The following ZNF423 variants were observed in gnomAD, a reference collection of about 807,000 sequenced individuals.
ZNF423 encodes the protein zinc finger protein 423.
A neutral mutation model predicts 95.8 loss-of-function variants in ZNF423; 12 were observed. That is an observed-to-expected ratio of 0.13 (90% CI 0.08 to 0.20). The LOEUF (loss-of-function observed/expected upper bound fraction) is 0.20. Among genes scored for constraint, ZNF423 ranks in the 10% least tolerant of loss-of-function variants. ZNF423 has a pLI of 1.00. For synonymous variants in ZNF423, 749 were observed against 711.9 expected, an observed-to-expected ratio of 1.05 and a Z score of -0.83; for missense variants, 1,316 against 1,737.1, an observed-to-expected ratio of 0.76 and a Z score of 4.31.
intron 2 of ZNF423, among the ~76,000 whole-genome samples, chr16:49,777,563 C>T (rs1367228755): frequency 6.6e-6 from 1 of 152,220 alleles, no homozygotes; most frequent in Non-Finnish European, 1.5e-5. Flanking sequence ...TGGCTTCTCA[C>T]TAGTGGTGTG....
At chr16:49,505,300 C>A (rs559808759) in intron 7 of ZNF423, among the ~76,000 whole-genome samples, 19 of 152,322 alleles carry the variant, frequency 1.2e-4, no homozygotes, top group African/African-American at 4.3e-4. Context: ...GGTCCCCAAA[C>A]TAACCCAGTG....
intron 1 of ZNF423, among the ~76,000 whole-genome samples, chr16:49,838,658 T>C (rs551705780): frequency 6.6e-6 from 1 of 151,860 alleles, no homozygotes; most frequent in Non-Finnish European, 1.5e-5. Context: ...TCCCCAGCGC[T>C]GGGCCTGGGA....
At chr16:49,713,534 C>T (rs1056839912) in intron 3 of ZNF423, among the ~76,000 whole-genome samples, 2 of 152,118 alleles carry the variant, frequency 1.3e-5, no homozygotes, top group South Asian at 4.1e-4. Context: ...CTCCAGGTGG[C>T]CTAAATGCCC....
At chr16:49,627,881 C>T (rs1025469898) in intron 4 of ZNF423, among the ~76,000 whole-genome samples, 1 of 150,456 alleles carries the variant, frequency 6.6e-6, no homozygotes, top group Non-Finnish European at 1.5e-5. Flanking sequence ...CTCCATCTAC[C>T]CATCCATCCA....
At chr16:49,814,320 A>G (rs983426584) in intron 1 of ZNF423, among the ~76,000 whole-genome samples, 1 of 152,016 alleles carries the variant, frequency 6.6e-6, no homozygotes, top group African/African-American at 2.4e-5. Flanking sequence ...TCCTGTGCCC[A>G]GGATAGACTG....
At chr16:49,673,694 C>G (rs955182904) in intron 3 of ZNF423, among the ~76,000 whole-genome samples, 1 of 152,262 alleles carries the variant, frequency 6.6e-6, no homozygotes, top group Non-Finnish European at 1.5e-5. Context: ...TGTGCACACA[C>G]TTGCACATGC....
At chr16:49,593,066 G>T (rs1971063105) in intron 5 of ZNF423, among the ~76,000 whole-genome samples, 1 of 152,152 alleles carries the variant, frequency 6.6e-6, no homozygotes, top group Non-Finnish European at 1.5e-5. Flanking sequence ...GGTTGTATGG[G>T]GGAGTGAAGA....
At chr16:49,506,145 C>T (rs999482473) in intron 7 of ZNF423, among the ~76,000 whole-genome samples, 4 of 152,124 alleles carry the variant, frequency 2.6e-5, no homozygotes, top group Non-Finnish European at 4.4e-5. Flanking sequence ...TAAGAGCACA[C>T]GAAGAAGGCA....
At chr16:49,723,714 C>T (rs893183416) in intron 3 of ZNF423, among the ~76,000 whole-genome samples, 8 of 152,100 alleles carry the variant, frequency 5.3e-5, no homozygotes, top group African/African-American at 1.7e-4. Flanking sequence ...GTTTAGATTC[C>T]TGATCCACTT....
intron 1 of ZNF423, among the ~76,000 whole-genome samples, chr16:49,829,965 G>A (rs566109090): frequency 6.6e-6 from 1 of 152,280 alleles, no homozygotes; most frequent in South Asian, 2.1e-4. Flanking sequence ...GAAGCCTAGG[G>A]ACACAAGAGT....
intron 3 of ZNF423, among the ~76,000 whole-genome samples, chr16:49,691,697 A>C (rs1053536219): frequency 6.6e-6 from 1 of 151,682 alleles, no homozygotes; most frequent in Admixed American, 6.6e-5. Flanking sequence ...GCACCACTGC[A>C]CTCCAGCCTG....
intron 1 of ZNF423, among the ~76,000 whole-genome samples, chr16:49,811,803 G>T (rs137945527): frequency 9.9e-6 from 1 of 100,822 alleles, no homozygotes; most frequent in Non-Finnish European, 2.0e-5. Context: ...CCGCCTGACC[G>T]CCCGCCTCAG....
intron 2 of ZNF423, among the ~76,000 whole-genome samples, chr16:49,735,911 G>C (rs1419084308): frequency 6.6e-6 from 1 of 152,198 alleles, no homozygotes; most frequent in Non-Finnish European, 1.5e-5. Flanking sequence ...ATAGTACTGT[G>C]AGAAGTAGTA....
chr16:49,715,215 C>T (rs2032667660), intron 3 of ZNF423, among the ~76,000 whole-genome samples: 1 of 152,202 alleles, frequency 6.6e-6, no homozygotes, highest in African/African-American at 2.4e-5. Flanking sequence ...AAACATCAAG[C>T]AATCACTGCC....
chr16:49,815,896 ATATATATATATATATATAT>A lies in ZNF423; in HGVS notation c.41-26369_41-26351del, dbSNP rs1567356303. On this transcript the variant is annotated intron_variant, in intron 1 of 7. Transcript: ENST00000563137. Reference sequence around the variant, plus strand: ...AAAAAAAAAAAATATATATATATATATATATATATATATATATATTTTTTTTTTTTTTTTTTTTTTGAGA... The same window carrying A: ...AAAAAAAAAAAATATATATATATATATTTTTTTTTTTTTTTTTTTTTGAGA... Among the ~76,000 whole-genome samples, 28 of 55,114 alleles carry A rather than the reference ATATATATATATATATATAT, an allele frequency of 5.1e-4. 1 individual carries two copies. The highest frequency in any genetic ancestry group is 1.6e-3 in the South Asian group (2 of 1,254). The allele number at this position is 55,114 out of a possible 152,430, so 36.2% of individuals were successfully genotyped here. A position where few individuals can be genotyped will look rare whatever the true frequency, so the allele number is the denominator to read the frequency against.
chr16:49,568,594 C>G (rs942357632), intron 5 of ZNF423, among the ~76,000 whole-genome samples: 1 of 152,166 alleles, frequency 6.6e-6, no homozygotes, highest in Non-Finnish European at 1.5e-5. Context: ...CTGTCTGTCT[C>G]CCTTCCTGCC....
At chr16:49,535,913 A>T (rs12926464) in intron 5 of ZNF423, among the ~76,000 whole-genome samples, 3 of 152,072 alleles carry the variant, frequency 2.0e-5, no homozygotes, top group African/African-American at 7.3e-5. Context: ...ATGGCCTCTA[A>T]TAATACACAA....
chr16:49,820,941 G>A (rs1168500650), intron 1 of ZNF423, among the ~76,000 whole-genome samples: 1 of 152,172 alleles, frequency 6.6e-6, no homozygotes, highest in Non-Finnish European at 1.5e-5. Flanking sequence ...TAAAATATAT[G>A]TGCTTTTAAA....
intron 1 of ZNF423, chr16:49,854,792 C>T: frequency 2.0e-6 from 2 of 985,370 alleles, no homozygotes; most frequent in Non-Finnish European, 2.4e-6. Flanking sequence ...GGGGCCCTCG[C>T]TGGAAATAGA....
Sources: allele counts gnomAD v4.1 joint callset (sites outside exome capture counted in the v4.1 genomes callset), GRCh38; gene constraint gnomAD v4.1.1; transcripts MANE v1.5; gene names NCBI Gene and HGNC (gene_info 2026-07-23, HGNC 2026-07-21).